RAB38: variants seen among roughly 807,000 people sequenced by gnomAD.
RAB38 encodes the protein ras-related protein Rab-38.
In RAB38, 15 loss-of-function variants were observed where a neutral mutation model predicts 18.4. The ratio of observed to expected loss-of-function variants is 0.82; its 90% CI spans 0.55 to 1.26. The LOEUF (loss-of-function observed/expected upper bound fraction) is 1.26, where lower values mean the gene tolerates loss of function less well. Ranked by LOEUF, RAB38 falls within the 50% of genes most tolerant of loss-of-function variation. The pLI is 0.00. For missense variants in RAB38, 294 were observed against 267.4 expected (o/e 1.10, Z -0.69); for synonymous variants, 101 against 104.4 (o/e 0.97, Z 0.20).
intron 1 of RAB38, among the ~76,000 whole-genome samples, chr11:88,161,333 A>C (rs1364160266): frequency 6.6e-6 from 1 of 152,026 alleles, no homozygotes; most frequent in Non-Finnish European, 1.5e-5. Context: ...GTTCAATAAA[A>C]TCCTATACAT....
At chr11:88,029,954 T>G in the RAB38 span, among the ~76,000 whole-genome samples, 1 of 151,942 alleles carries the variant, frequency 6.6e-6, no homozygotes, top group African/African-American at 2.4e-5. Flanking sequence ...CCACACCTAT[T>G]CCAAAATTGA....
the RAB38 span, among the ~76,000 whole-genome samples, chr11:87,922,607 C>G: frequency 6.6e-6 from 1 of 151,836 alleles, no homozygotes; most frequent in Non-Finnish European, 1.5e-5. Flanking sequence ...GAGATTTTCC[C>G]TCTTAAAATA....
In RAB38 at chr11:88,152,431, A is replaced by G. The variant is rs186260867; in HGVS notation, c.203-2476T>C. Among the ~76,000 whole-genome samples the G allele has an allele frequency of 2.1e-4, 32 of 152,240 alleles. No homozygotes were observed. In the East Asian group the frequency reaches 5.0e-3, roughly 24 times the overall value. On this transcript the variant is annotated intron_variant, in intron 1 of 2. Transcript: ENST00000243662. ...AAAAGGAAAATATGTGTGTGTGTGT[A>G]TATATATATGTGTGTGTGTTTGAGT...
At chr11:87,884,790 G>A in the RAB38 span, among the ~76,000 whole-genome samples, 1 of 151,880 alleles carries the variant, frequency 6.6e-6, no homozygotes, top group Non-Finnish European at 1.5e-5. Flanking sequence ...ATTTTATCAT[G>A]ACATTACCTG....
chr11:88,071,170 G>A, the RAB38 span, among the ~76,000 whole-genome samples: 2 of 152,066 alleles, frequency 1.3e-5, no homozygotes, highest in African/African-American at 2.4e-5. Context: ...ACTGTGGGAC[G>A]AGCAGGATAC....
At chr11:88,045,128 G>C in the RAB38 span, among the ~76,000 whole-genome samples, 1 of 152,252 alleles carries the variant, frequency 6.6e-6, no homozygotes, top group South Asian at 2.1e-4. Flanking sequence ...CAGCAACCCT[G>C]AGATGCTTTA....
chr11:87,930,250 C>A, the RAB38 span, among the ~76,000 whole-genome samples: 1 of 152,058 alleles, frequency 6.6e-6, no homozygotes, highest in African/African-American at 2.4e-5. Flanking sequence ...TTTTAATGAT[C>A]GCCATTCTAA....
At chr11:88,165,700 C>T (rs369685635) in intron 1 of RAB38, 1 of 152,082 alleles carries the variant, frequency 6.6e-6, no homozygotes, top group Non-Finnish European at 1.5e-5. Flanking sequence ...ACATTTGAAA[C>T]TATTAACTAT....
At chr11:87,867,651 GA>G in the RAB38 span, among the ~76,000 whole-genome samples, 1 of 151,684 alleles carries the variant, frequency 6.6e-6, no homozygotes, top group Non-Finnish European at 1.5e-5. Flanking sequence ...AACCATAATT[GA>G]AAGTCTGAAA....
At chr11:87,930,408 GGTT>G in the RAB38 span, among the ~76,000 whole-genome samples, 1 of 151,258 alleles carries the variant, frequency 6.6e-6, no homozygotes, top group Non-Finnish European at 1.5e-5. Flanking sequence ...TGGTTGATGG[GGTT>G]GTTTGTTTTT....
At chr11:87,877,776 A>G in the RAB38 span, among the ~76,000 whole-genome samples, 3 of 151,344 alleles carry the variant, frequency 2.0e-5, no homozygotes, top group African/African-American at 7.3e-5. Context: ...AAGCAGTATC[A>G]TTTTCATGGC....
the RAB38 span, among the ~76,000 whole-genome samples, chr11:87,913,585 A>G: frequency 2.6e-5 from 4 of 152,076 alleles, no homozygotes; most frequent in Non-Finnish European, 5.9e-5. Context: ...TCACATTGAA[A>G]TTTGATCCCT....
At chr11:87,967,655 G>T in the RAB38 span, among the ~76,000 whole-genome samples, 1 of 152,138 alleles carries the variant, frequency 6.6e-6, no homozygotes, top group Non-Finnish European at 1.5e-5. Context: ...TTCCTTCCAG[G>T]TGGAGGGCAT....
chr11:88,159,728 A>G (rs532989158), intron 1 of RAB38, among the ~76,000 whole-genome samples: 14 of 152,240 alleles, frequency 9.2e-5, no homozygotes, highest in Non-Finnish European at 2.1e-4. Flanking sequence ...AACAGTAGGG[A>G]AAGGACACCC....
the RAB38 span, among the ~76,000 whole-genome samples, chr11:87,909,584 T>C: frequency 4.6e-5 from 7 of 152,046 alleles, no homozygotes; most frequent in Non-Finnish European, 2.9e-5. Flanking sequence ...AAAATCAATA[T>C]AATAAACATA....
chr11:88,140,539 C>G (rs923638590), intron 2 of RAB38, among the ~76,000 whole-genome samples: 1 of 152,142 alleles, frequency 6.6e-6, no homozygotes, highest in African/African-American at 2.4e-5. Context: ...AGTGCAGGGA[C>G]CAGCCCCATA....
At chr11:87,907,356 T>C in the RAB38 span, among the ~76,000 whole-genome samples, 1 of 151,910 alleles carries the variant, frequency 6.6e-6, no homozygotes, top group Non-Finnish European at 1.5e-5. Context: ...AAATATCTAT[T>C]CTAAATATTT....
chr11:88,027,981 G>T, the RAB38 span, among the ~76,000 whole-genome samples: 1 of 152,216 alleles, frequency 6.6e-6, no homozygotes, highest in African/African-American at 2.4e-5. Flanking sequence ...GCACCCCCCA[G>T]CAGGGGCAGA....
At chr11:88,004,870 A>G in the RAB38 span, among the ~76,000 whole-genome samples, 2 of 151,386 alleles carry the variant, frequency 1.3e-5, no homozygotes, top group Non-Finnish European at 3.0e-5. Flanking sequence ...AATAAATTTT[A>G]TAAAGTTTTA....
Sources: gnomAD v4.1 joint callset for allele counts (sites outside exome capture counted in the v4.1 genomes callset) on GRCh38, gnomAD v4.1.1 for gene constraint, MANE v1.5 for transcripts, NCBI Gene and HGNC (gene_info 2026-07-23, HGNC 2026-07-21) for gene names.